The following PELI2 variants were observed in gnomAD, a reference collection of about 807,000 sequenced individuals.
The protein encoded by PELI2 is E3 ubiquitin-protein ligase pellino homolog 2.
PELI2 carries 23 observed loss-of-function variants against 42.3 expected under a neutral mutation model. The observed-to-expected ratio is 0.54, with a 90% CI of 0.39 to 0.77. PELI2 has a LOEUF of 0.77. Ranked by LOEUF, PELI2 falls within the 30% of genes least tolerant of loss-of-function variation. PELI2 has a pLI of 0.00. For synonymous variants in PELI2, 245 were observed against 212.2 expected (o/e 1.15, Z -1.34); for missense variants, 463 against 553.2 (o/e 0.84, Z 1.64).
intron 2 of PELI2, among the ~76,000 whole-genome samples, chr14:56,198,466 C>T (rs1886220036): frequency 6.6e-6 from 1 of 152,170 alleles, no homozygotes; most frequent in Non-Finnish European, 1.5e-5. Context: ...GAGTAGCTGA[C>T]AACATCACAT....
At chr14:56,243,707 G>A (rs888122395) in intron 2 of PELI2, among the ~76,000 whole-genome samples, 1 of 152,142 alleles carries the variant, frequency 6.6e-6, no homozygotes, top group Non-Finnish European at 1.5e-5. Flanking sequence ...TACCTCAGAA[G>A]TGGTTCTTTG....
intron 1 of PELI2, among the ~76,000 whole-genome samples, chr14:56,120,561 A>G (rs1232482646): frequency 2.0e-5 from 3 of 152,220 alleles, no homozygotes; most frequent in Non-Finnish European, 4.4e-5. Flanking sequence ...CCAGGAGACC[A>G]AAGTATGACA....
chr14:56,293,321 T>C (rs940397020), intron 5 of PELI2, among the ~76,000 whole-genome samples: 4 of 152,218 alleles, frequency 2.6e-5, no homozygotes, highest in Admixed American at 6.5e-5. Flanking sequence ...TCTTTTGTGG[T>C]AGAATTTAAA....
intron 2 of PELI2, among the ~76,000 whole-genome samples, chr14:56,199,932 G>A (rs1034282459): frequency 1.3e-5 from 2 of 152,148 alleles, no homozygotes; most frequent in African/African-American, 2.4e-5. Flanking sequence ...TACCTTCACT[G>A]TAGAAATTAC....
chr14:56,201,855 T>C (rs1002846790), intron 2 of PELI2, among the ~76,000 whole-genome samples: 1 of 152,252 alleles, frequency 6.6e-6, no homozygotes. Context: ...AAAGTTAAAA[T>C]AGGCTTCTTA....
At chr14:56,164,106 T>C (rs967938949) in intron 1 of PELI2, among the ~76,000 whole-genome samples, 1 of 152,120 alleles carries the variant, frequency 6.6e-6, no homozygotes, top group Admixed American at 6.5e-5. Flanking sequence ...GTGGCGACAG[T>C]GGGCATCGTT....
chr14:56,121,486 C>T (rs1043549612), intron 1 of PELI2, among the ~76,000 whole-genome samples: 1 of 152,142 alleles, frequency 6.6e-6, no homozygotes, highest in African/African-American at 2.4e-5. Context: ...TGATTCCAGC[C>T]AGTTAATGTA....
intron 1 of PELI2, among the ~76,000 whole-genome samples, chr14:56,147,533 T>C (rs1279548515): frequency 6.6e-6 from 1 of 152,240 alleles, no homozygotes; most frequent in Non-Finnish European, 1.5e-5. Context: ...AGCACCAAAT[T>C]GCATAGAATG....
At chr14:56,135,786 C>T (rs1883667299) in intron 1 of PELI2, among the ~76,000 whole-genome samples, 1 of 152,170 alleles carries the variant, frequency 6.6e-6, no homozygotes, top group Non-Finnish European at 1.5e-5. Context: ...GGTTAACAAC[C>T]TTGGCTTTAT....
intron 3 of PELI2, among the ~76,000 whole-genome samples, chr14:56,282,759 G>A (rs908911506): frequency 1.3e-5 from 2 of 151,892 alleles, no homozygotes; most frequent in Admixed American, 1.3e-4. Context: ...TTCTGTTAAG[G>A]AAAATATCTT....
chr14:56,136,732 A>C (rs1436062296), intron 1 of PELI2, among the ~76,000 whole-genome samples: 1 of 152,058 alleles, frequency 6.6e-6, no homozygotes, highest in African/African-American at 2.4e-5. Context: ...TCTAAAGTTG[A>C]ATGTGTCTTT....
intron 1 of PELI2, among the ~76,000 whole-genome samples, chr14:56,123,038 T>A (rs1044376327): frequency 2.6e-5 from 4 of 152,198 alleles, no homozygotes; most frequent in Admixed American, 2.0e-4. Flanking sequence ...TGACTAAATA[T>A]GACTGAAAAA....
At chr14:56,171,365 T>A (rs1177381031) in intron 1 of PELI2, among the ~76,000 whole-genome samples, 2 of 152,208 alleles carry the variant, frequency 1.3e-5, no homozygotes, top group African/African-American at 4.8e-5. Flanking sequence ...ATGAAACATC[T>A]AGGGAGGCCA....
In PELI2 at chr14:56,223,089, C is replaced by A. The variant is rs186720150; in HGVS notation, c.207+44625C>A. 9.5e-4 allele frequency among the ~76,000 whole-genome samples: 144 copies of A among 152,202 alleles called. No homozygotes were observed. In the Middle Eastern group the frequency reaches 0.037, roughly 40 times the overall value. On this transcript the variant is annotated intron_variant, in intron 2 of 5. Transcript: ENST00000267460. ...AAGGCAGTTTGGTCCTCCCAGTGAC[C>A]CCTGATGCTCGTGCCTCCGTCCACC...
At chr14:56,225,473 C>G (rs1038556398) in intron 2 of PELI2, among the ~76,000 whole-genome samples, 1 of 152,158 alleles carries the variant, frequency 6.6e-6, no homozygotes, top group Admixed American at 6.5e-5. Context: ...CACCAAGTCC[C>G]TCCTGGAGCT....
intron 3 of PELI2, among the ~76,000 whole-genome samples, chr14:56,284,288 GGAAA>G (rs1327188169): frequency 1.3e-5 from 2 of 152,176 alleles, no homozygotes; most frequent in South Asian, 4.1e-4. Flanking sequence ...GCATAAACAA[GGAAA>G]GAAAGAAAAG....
At chr14:56,246,631 C>T (rs1888171296) in intron 2 of PELI2, among the ~76,000 whole-genome samples, 1 of 152,034 alleles carries the variant, frequency 6.6e-6, no homozygotes, top group Non-Finnish European at 1.5e-5. Flanking sequence ...CAACTGTGTA[C>T]CAGGAAGTAT....
At chr14:56,201,540 A>G (rs1886332699) in intron 2 of PELI2, among the ~76,000 whole-genome samples, 1 of 152,232 alleles carries the variant, frequency 6.6e-6, no homozygotes. Context: ...AGGGCCTACC[A>G]CATAGATGTT....
chr14:56,122,095 A>G (rs1883080818), intron 1 of PELI2, among the ~76,000 whole-genome samples: 1 of 152,226 alleles, frequency 6.6e-6, no homozygotes, highest in South Asian at 2.1e-4. Context: ...AATAACCAGC[A>G]TAAAGAGGAG....
Sources: allele counts gnomAD v4.1 joint callset (sites outside exome capture counted in the v4.1 genomes callset), GRCh38; gene constraint gnomAD v4.1.1; transcripts MANE v1.5; gene names NCBI Gene and HGNC (gene_info 2026-07-23, HGNC 2026-07-21).